Variants in CTNNA3 observed in about 807,000 individuals in gnomAD.
CTNNA3 encodes the protein catenin alpha-3.
A neutral mutation model predicts 95.7 loss-of-function variants in CTNNA3; 76 were observed. The ratio of observed to expected loss-of-function variants is 0.79; its 90% confidence interval spans 0.66 to 0.96. CTNNA3 has a LOEUF of 0.96. Ranked by LOEUF, CTNNA3 falls within the 40% of genes least tolerant of loss-of-function variation. The pLI is 0.00. For missense variants in CTNNA3, 1,191 were observed against 1,089.8 expected, an observed-to-expected ratio of 1.09 and a Z score of -1.31; for synonymous variants, 431 against 374.4, an observed-to-expected ratio of 1.15 and a Z score of -1.74.
intron 5 of CTNNA3, among the ~76,000 whole-genome samples, chr10:67,228,902 A>T (rs925403578): frequency 8.5e-5 from 13 of 152,164 alleles, no homozygotes; most frequent in Non-Finnish European, 1.9e-4. Flanking sequence ...TCAAAGAATT[A>T]GTACCAACCC....
Position 67,268,308 on chromosome 10 carries a change from A to ATAAATTAAATTAAAT in CTNNA3, c.580-48453_580-48439dup, listed in dbSNP as rs200272425. The stretch of plus-strand genomic sequence containing the variant: ...TAGAAAGACTCCCATCTCTACAAAA[A>ATAAATTAAATTAAAT]TAAATTAAATTAAATTAAATTAAAT... On this transcript the variant is annotated intron_variant, in intron 5 of 17. Coordinates refer to ENST00000433211, the MANE Select transcript of CTNNA3 (RefSeq NM_013266.4). 3.3e-3 allele frequency among the ~76,000 whole-genome samples: 420 copies of ATAAATTAAATTAAAT among 126,928 alleles called. 2 individuals are homozygous for ATAAATTAAATTAAAT. Among genetic ancestry groups the ATAAATTAAATTAAAT allele is most frequent in the Non-Finnish European group, 4.6e-3 (289 of 62,890 alleles). The allele number at this position is 126,928 out of a possible 152,430, so 83.3% of individuals were successfully genotyped here.
intron 13 of CTNNA3, among the ~76,000 whole-genome samples, chr10:66,115,569 GACAGATAGATGATAGAT>G (rs2082302016): frequency 1.9e-5 from 2 of 105,316 alleles, no homozygotes; most frequent in Non-Finnish European, 4.4e-5. Flanking sequence ...TAGATAGATA[GACAGATAGATGATAGAT>G]AGATAGAGAT....
intron 13 of CTNNA3, among the ~76,000 whole-genome samples, chr10:66,153,878 CAT>C (rs1491073626): frequency 3.4e-5 from 5 of 146,406 alleles, no homozygotes; most frequent in African/African-American, 5.0e-5. Flanking sequence ...CACACACACA[CAT>C]ACCTATATAA....
At chr10:67,542,807 A>G (rs142601411) in intron 3 of CTNNA3, among the ~76,000 whole-genome samples, 207 of 152,244 alleles carry the variant, frequency 1.4e-3, no homozygotes, top group East Asian at 9.5e-3. Context: ...TGGTTTATAG[A>G]ATTTAGCCAG....
intron 9 of CTNNA3, among the ~76,000 whole-genome samples, chr10:66,758,679 A>C (rs1280123238): frequency 6.6e-6 from 1 of 152,198 alleles, no homozygotes; most frequent in African/African-American, 2.4e-5. Flanking sequence ...TCACGCCTGT[A>C]ATCTCAGCAC....
intron 15 of CTNNA3, among the ~76,000 whole-genome samples, chr10:66,061,171 C>A (rs1564611197): frequency 6.6e-6 from 1 of 152,074 alleles, no homozygotes; most frequent in Non-Finnish European, 1.5e-5. Flanking sequence ...TAAAGCCTGA[C>A]TTCTCTGCCC....
At position 66,092,747 on chromosome 10, in the gene CTNNA3, C is replaced by T. The variant is rs12572891; in HGVS notation, c.1977+10410G>A. ...ACGGGCATTTTTGAATACCAACGTTCTACTCTATAAATCAATGGAAGAGGA... is the reference window on the plus strand; with the variant it reads ...ACGGGCATTTTTGAATACCAACGTTTTACTCTATAAATCAATGGAAGAGGA... On this transcript the variant is annotated intron_variant, in intron 14 of 17. Transcript: ENST00000433211. Among the ~76,000 whole-genome samples, 3 of 151,852 alleles carry T rather than the reference C, an allele frequency of 2.0e-5. No individual in the cohort carries two copies. The South Asian group carries it at 6.2e-4, about 31-fold the overall frequency.
At chr10:67,167,266 T>C (rs1448451857) in intron 7 of CTNNA3, among the ~76,000 whole-genome samples, 1 of 152,288 alleles carries the variant, frequency 6.6e-6, no homozygotes, top group East Asian at 1.9e-4. Context: ...AGGCTAGACA[T>C]ACAAGATACC....
chr10:67,343,553 T>C (rs1842298132), intron 5 of CTNNA3, among the ~76,000 whole-genome samples: 1 of 152,200 alleles, frequency 6.6e-6, no homozygotes. Flanking sequence ...TTTTTTCATA[T>C]TGTTCACTGT....
At chr10:66,232,299 G>A (rs2089626507) in intron 13 of CTNNA3, among the ~76,000 whole-genome samples, 1 of 152,108 alleles carries the variant, frequency 6.6e-6, no homozygotes, top group Admixed American at 6.5e-5. Flanking sequence ...ATACAGTTTA[G>A]TTCAATATTG....
chr10:66,847,444 T>C (rs908105384), intron 7 of CTNNA3, among the ~76,000 whole-genome samples: 2 of 152,168 alleles, frequency 1.3e-5, no homozygotes, highest in Admixed American at 6.5e-5. Context: ...TCTACTATCT[T>C]GAGGTATATA....
At chr10:66,167,281 A>T (rs2085186439) in intron 13 of CTNNA3, among the ~76,000 whole-genome samples, 1 of 152,174 alleles carries the variant, frequency 6.6e-6, no homozygotes, top group Non-Finnish European at 1.5e-5. Context: ...AAATAGAAAA[A>T]AAATTATATG....
intron 5 of CTNNA3, among the ~76,000 whole-genome samples, chr10:67,455,407 C>G (rs1262007956): frequency 6.6e-6 from 1 of 152,130 alleles, no homozygotes; most frequent in Non-Finnish European, 1.5e-5. Flanking sequence ...GATACTCCCC[C>G]TCCAGGAAGA....
chr10:65,974,688 G>A (rs2078177255), intron 16 of CTNNA3, among the ~76,000 whole-genome samples: 1 of 151,884 alleles, frequency 6.6e-6, no homozygotes, highest in Admixed American at 6.6e-5. Context: ...TCAAACCTCA[G>A]TATCATGCAA....
chr10:66,195,305 T>C (rs1166137412), intron 13 of CTNNA3, among the ~76,000 whole-genome samples: 1 of 152,144 alleles, frequency 6.6e-6, no homozygotes, highest in African/African-American at 2.4e-5. Context: ...CTATCTAAAA[T>C]GCAATCTTAC....
intron 5 of CTNNA3, among the ~76,000 whole-genome samples, chr10:67,483,283 T>G (rs1348845516): frequency 6.7e-6 from 1 of 148,326 alleles, no homozygotes; most frequent in Non-Finnish European, 1.5e-5. Flanking sequence ...ACCCAAAGGA[T>G]TATAAATCAT....
At chr10:66,322,739 G>T (rs2092206121) in intron 12 of CTNNA3, among the ~76,000 whole-genome samples, 1 of 152,048 alleles carries the variant, frequency 6.6e-6, no homozygotes, top group African/African-American at 2.4e-5. Context: ...GTTGCCAGCT[G>T]CACTTAAGTG....
At chr10:66,683,221 T>C (rs1847128756) in intron 9 of CTNNA3, among the ~76,000 whole-genome samples, 1 of 152,186 alleles carries the variant, frequency 6.6e-6, no homozygotes, top group South Asian at 2.1e-4. Flanking sequence ...TGGGAAAAGA[T>C]TGTGGTGGAC....
intron 7 of CTNNA3, among the ~76,000 whole-genome samples, chr10:67,173,107 A>G (rs1862090169): frequency 6.6e-6 from 1 of 152,238 alleles, no homozygotes; most frequent in Non-Finnish European, 1.5e-5. Context: ...TTGCTAACAC[A>G]GGATAATATT....
Sources: allele counts gnomAD v4.1 joint callset (sites outside exome capture counted in the v4.1 genomes callset), GRCh38; gene constraint gnomAD v4.1.1; transcripts MANE v1.5; gene names NCBI Gene and HGNC (gene_info 2026-07-23, HGNC 2026-07-21).